ABCC4: variants seen among roughly 807,000 people sequenced by gnomAD.
The protein encoded by ABCC4 is ATP-binding cassette sub-family C member 4.
ABCC4 carries 102 observed loss-of-function variants against 168.5 expected under a neutral mutation model. The ratio of observed to expected loss-of-function variants is 0.61; its 90% CI spans 0.52 to 0.71. ABCC4 has a LOEUF of 0.71. Ranked by LOEUF, ABCC4 falls within the 30% of genes least tolerant of loss-of-function variation. The probability of loss-of-function intolerance (pLI) is 0.00; values close to 1 mark genes in which losing one functional copy is unlikely to be tolerated. For missense variants in ABCC4, 1,402 were observed against 1,605.8 expected (o/e 0.87, Z 2.17); for synonymous variants, 617 against 590.7 (o/e 1.04, Z -0.65).
At chr13:95,159,689 C>CA (rs770822211) in intron 19 of ABCC4, among the ~76,000 whole-genome samples, 3 of 152,188 alleles carry the variant, frequency 2.0e-5, no homozygotes, top group Non-Finnish European at 4.4e-5. Flanking sequence ...CAGAGGTCCT[C>CA]CAATGACTTT....
Position 95,071,743 on chromosome 13 carries a change from A to C in ABCC4, c.3129T>G (p.Phe1043Leu), listed in dbSNP as rs1260206038. ...GACTGTACATGAAGTTCACATTGTC[A>C]AAGATTATCACTCCTTCATGGGGCC... is the stretch of plus-strand genomic sequence containing the variant. ...PAWPHEGVII[F>L]DNVNFMYSPG... is the part of the protein sequence containing the mutation. Residue 1043 changes from phenylalanine (F) to leucine (L), a missense_variant, in exon 25 of 31, where the codon TTT becomes TTG. By Grantham distance (22) the Phe-to-Leu change is conservative. Transcript: ENST00000645237. 1.2e-6 allele frequency: 2 copies of C among 1,606,694 alleles called. No homozygotes were observed. The highest frequency in any genetic ancestry group is 1.7e-6 in the Non-Finnish European group (2 of 1,176,666).
intron 11 of ABCC4, among the ~76,000 whole-genome samples, chr13:95,178,519 G>A (rs563433023): frequency 3.9e-5 from 6 of 152,302 alleles, no homozygotes; most frequent in African/African-American, 1.2e-4. Flanking sequence ...CTTTATATAG[G>A]GAGGTCAACA....
At chr13:95,244,741 T>G (rs911294646) in intron 3 of ABCC4, among the ~76,000 whole-genome samples, 3 of 151,520 alleles carry the variant, frequency 2.0e-5, no homozygotes, top group African/African-American at 7.3e-5. Flanking sequence ...CTATTGCTAC[T>G]ATCACTGCTG....
chr13:95,253,461 T>G (rs1294767462), intron 1 of ABCC4, among the ~76,000 whole-genome samples: 1 of 151,870 alleles, frequency 6.6e-6, no homozygotes, highest in Non-Finnish European at 1.5e-5. Context: ...ATCCCCAAAT[T>G]TGGCCTGGCA....
intron 4 of ABCC4, among the ~76,000 whole-genome samples, chr13:95,231,240 A>T (rs1166808402): frequency 1.3e-5 from 2 of 152,246 alleles, no homozygotes; most frequent in Non-Finnish European, 2.9e-5. Context: ...TACTTAATGC[A>T]AACGAACTAC....
At chr13:95,290,021 G>A (rs961340920) in intron 1 of ABCC4, among the ~76,000 whole-genome samples, 7 of 152,010 alleles carry the variant, frequency 4.6e-5, no homozygotes, top group Admixed American at 1.3e-4. Flanking sequence ...GCTTGAACCC[G>A]GGAGGCAGAG....
At chr13:95,096,206 C>A in intron 20 of ABCC4, 5 of 629,168 alleles carry the variant, frequency 7.9e-6, no homozygotes, top group South Asian at 1.8e-5. Flanking sequence ...AAAACATATT[C>A]AATGGGCTGG....
rs1474208365 is a variant in ABCC4 at position 95,194,936 on chromosome 13, G to T, written c.1163C>A (p.Thr388Asn). The T allele has an allele frequency of 1.2e-6, 2 of 1,612,292 alleles. No individual in the cohort carries two copies. Among genetic ancestry groups the T allele is most frequent in the Admixed American group, 1.7e-5 (1 of 59,752 alleles). ...TGATATCTCATCAAGTAGCAAAAAG[G>T]TCTAAAGAAAATGGGAAAAACACAG... ...EAIVSIRRIQ[T>N]FLLLDEISQR... Residue 388 changes from threonine (T) to asparagine (N), a missense_variant and splice_region_variant, in exon 9 of 31, where the codon ACC becomes AAC. Physicochemically the swap from Thr to Asn is moderately conservative, Grantham distance 65. Coordinates refer to ENST00000645237, the MANE Select transcript of ABCC4 (RefSeq NM_005845.5).
At chr13:95,132,553 T>C (rs2036005052) in intron 19 of ABCC4, among the ~76,000 whole-genome samples, 1 of 152,218 alleles carries the variant, frequency 6.6e-6, no homozygotes, top group Non-Finnish European at 1.5e-5. Flanking sequence ...AGATTACTTA[T>C]AATGCCTAAA....
chr13:95,252,115 C>A (rs1370749297), intron 1 of ABCC4, among the ~76,000 whole-genome samples: 1 of 151,976 alleles, frequency 6.6e-6, no homozygotes, highest in Non-Finnish European at 1.5e-5. Flanking sequence ...TTAATAATGG[C>A]CCCCAAAGAG....
At chr13:95,063,525 C>G (rs2033380505) in intron 25 of ABCC4, among the ~76,000 whole-genome samples, 1 of 152,082 alleles carries the variant, frequency 6.6e-6, no homozygotes, top group Admixed American at 6.5e-5. Flanking sequence ...ACAGTAGTAA[C>G]CAGTAGCCAA....
intron 26 of ABCC4, among the ~76,000 whole-genome samples, chr13:95,060,846 A>G (rs1321586705): frequency 2.0e-5 from 3 of 152,214 alleles, no homozygotes; most frequent in African/African-American, 7.2e-5. Flanking sequence ...TCCATTCACA[A>G]GACGCTTTTC....
At chr13:95,248,328 T>A (rs2040164839) in intron 1 of ABCC4, among the ~76,000 whole-genome samples, 1 of 152,162 alleles carries the variant, frequency 6.6e-6, no homozygotes, top group South Asian at 2.1e-4. Context: ...AGATAAAGAA[T>A]GATGAGGTTA....
chr13:95,265,330 A>G (rs2040641304), intron 1 of ABCC4, among the ~76,000 whole-genome samples: 2 of 152,190 alleles, frequency 1.3e-5, no homozygotes, highest in South Asian at 4.1e-4. Flanking sequence ...AGGTTGAATT[A>G]TTTCAAAATA....
intron 4 of ABCC4, among the ~76,000 whole-genome samples, chr13:95,229,456 G>A (rs1478633133): frequency 6.6e-6 from 1 of 152,166 alleles, no homozygotes; most frequent in Non-Finnish European, 1.5e-5. Flanking sequence ...CAGCAGAGAG[G>A]AGCACCAGCA....
At chr13:95,038,350 C>T (rs1490486511) in intron 29 of ABCC4, among the ~76,000 whole-genome samples, 25 of 146,770 alleles carry the variant, frequency 1.7e-4, no homozygotes, top group Non-Finnish European at 3.3e-4. Context: ...AAGTCCCAGC[C>T]CCTGCTTTTA....
Position 95,115,988 on chromosome 13 carries a change from A to AT in ABCC4, c.2468dup (p.Asn823LysfsTer12), listed in dbSNP as rs756989444. 670 of 1,612,126 alleles carry AT rather than the reference A, an allele frequency of 4.2e-4. No homozygotes were observed. The highest frequency in any genetic ancestry group is 5.3e-4 in the Non-Finnish European group (621 of 1,179,512). ...AGTGTCCAATGTCTTTGGAGAAACG[A>AT]TTTAAAATTCTTCCTGCAAGAACAG... On this transcript the variant is annotated frameshift_variant, in exon 20 of 31. Transcript: ENST00000645237. LOFTEE classifies it high-confidence loss of function.
chr13:95,059,158 C>CA (rs1243758204), intron 26 of ABCC4, among the ~76,000 whole-genome samples: 1 of 152,182 alleles, frequency 6.6e-6, no homozygotes, highest in Non-Finnish European at 1.5e-5. Context: ...TTTAAAGTCC[C>CA]TAGGAGAGGG....
At chr13:95,299,116 G>A (rs923261217) in intron 1 of ABCC4, among the ~76,000 whole-genome samples, 1 of 151,536 alleles carries the variant, frequency 6.6e-6, no homozygotes, top group African/African-American at 2.4e-5. Context: ...TTTATTATCC[G>A]GGCATGGTGA....
Sources: gnomAD v4.1 joint callset for allele counts (sites outside exome capture counted in the v4.1 genomes callset) on GRCh38, gnomAD v4.1.1 for gene constraint, MANE v1.5 for transcripts, NCBI Gene and HGNC (gene_info 2026-07-23, HGNC 2026-07-21) for gene names.